The following SHH variants were observed in gnomAD, a reference collection of about 807,000 sequenced individuals.
The protein encoded by SHH is sonic hedgehog signaling molecule, also known as sonic hedgehog protein.
SHH carries 3 observed loss-of-function variants against 16.6 expected under a neutral mutation model. The observed-to-expected ratio is 0.18, with a 90% CI of 0.08 to 0.47. SHH has a LOEUF of 0.47. Among genes scored for constraint, SHH ranks in the 20% least tolerant of loss-of-function variants. The probability of loss-of-function intolerance (pLI) is 0.98; values close to 1 mark genes in which losing one functional copy is unlikely to be tolerated. For synonymous variants in SHH, 351 were observed against 316.2 expected, an observed-to-expected ratio of 1.11 and a Z score of -1.17; for missense variants, 499 against 665.0, an observed-to-expected ratio of 0.75 and a Z score of 2.75.
rs1038401176 is a variant in SHH, at chr7:155,800,475, G to A, written c.*2425C>T. ...TCAGGCACCTTGGGGCTTGGTCAAC[G>A]CCTGGCTTCTCTCTGATCGTCTGGG... On this transcript the variant is annotated 3_prime_UTR_variant, in exon 3 of 3. Coordinates refer to ENST00000297261, the MANE Select transcript of SHH (RefSeq NM_000193.4). 4.4e-6 allele frequency: 2 copies of A among 452,878 alleles called. No individual in the cohort carries two copies. Among genetic ancestry groups the A allele is most frequent in the Admixed American group, 2.4e-5 (1 of 41,142 alleles). The allele number at this position is 452,878 out of a possible 1,614,324, so 28.1% of individuals were successfully genotyped here.
rs1803214802 is a variant in SHH at position 155,802,707 on chromosome 7, A to G, written c.*193T>C. On this transcript the variant is annotated 3_prime_UTR_variant, in exon 3 of 3. Coordinates refer to ENST00000297261, the MANE Select transcript of SHH (RefSeq NM_000193.4). Reference sequence around the variant, plus strand: ...AAAAAAATTCAAAAAATATATATCAACTAAGCACAACAACAAAACTTCCCG... The same window carrying G: ...AAAAAAATTCAAAAAATATATATCAGCTAAGCACAACAACAAAACTTCCCG... 2 of 406,688 alleles carry G rather than the reference A, an allele frequency of 4.9e-6. No homozygotes were observed. The highest frequency in any genetic ancestry group is 1.3e-4 in the South Asian group (1 of 7,748). 25.2% of individuals were successfully genotyped at this position (406,688 alleles called of 1,614,324 possible).
chr7:155,808,623 G>GAT (rs1803429216), intron 1 of SHH, among the ~76,000 whole-genome samples: 1 of 152,168 alleles, frequency 6.6e-6, no homozygotes, highest in Non-Finnish European at 1.5e-5. Context: ...CTCGGCTGGC[G>GAT]GCCTCTCCTC....
In SHH at chr7:155,809,783, C is replaced by T. The variant is rs1803461522; in HGVS notation, c.300+2040G>A. Among the ~76,000 whole-genome samples the T allele has an allele frequency of 6.6e-6, 1 of 151,886 alleles. No homozygotes were observed. The highest frequency in any genetic ancestry group is 6.6e-5 in the Admixed American group (1 of 15,252). Reference sequence around the variant, plus strand: ...CCTGTGCGCGCGGCGGCGAGAGTGGCCGGGCGCGGGGCCGCTGGGCCCTGC... The same window carrying T: ...CCTGTGCGCGCGGCGGCGAGAGTGGTCGGGCGCGGGGCCGCTGGGCCCTGC... On this transcript the variant is annotated intron_variant, in intron 1 of 2. Transcript: ENST00000297261. The surrounding 1 kb of genome is among the most constrained non-coding windows in gnomAD (Gnocchi z 6.1).
intron 1 of SHH, among the ~76,000 whole-genome samples, chr7:155,811,213 C>T (rs533599218): frequency 1.5e-3 from 222 of 152,374 alleles, no homozygotes; most frequent in African/African-American, 5.0e-3. Flanking sequence ...GCCAGCCACC[C>T]AGGGACGGGC....
chr7:155,804,502 A>G (rs1265112375), intron 2 of SHH, among the ~76,000 whole-genome samples: 1 of 151,798 alleles, frequency 6.6e-6, no homozygotes, highest in African/African-American at 2.4e-5. Flanking sequence ...CCCTGTTCTC[A>G]GCTCACTCTC....
At position 155,803,267 on chromosome 7, in the gene SHH, G is replaced by T; in HGVS notation, c.1022C>A (p.Ala341Asp). The T allele has an allele frequency of 6.6e-7, 1 of 1,508,194 alleles. No individual in the cohort carries two copies. The allele number at this position is 1,508,194 out of a possible 1,614,324, so 93.4% of individuals were successfully genotyped here. A position where few individuals can be genotyped will look rare whatever the true frequency, so the allele number is the denominator to read the frequency against. ...AVHSVTLSEE[A>D]AGAYAPLTAQ... is the part of the protein sequence containing the mutation. ...CGTGAGCGGCGCGTAGGCGCCCGCG[G>T]CCTCCTCGCTTAGGGTCACGCTGTG... Residue 341 changes from alanine to aspartate, a missense_variant, in exon 3 of 3, where the codon GCC becomes GAC. Coordinates refer to ENST00000297261, the MANE Select transcript of SHH (RefSeq NM_000193.4).
chr7:155,812,270 T>C lies in SHH; in HGVS notation c.-148A>G. 1.3e-6 allele frequency: 1 copy of C among 757,692 alleles called. No homozygotes were observed. Among genetic ancestry groups the C allele is most frequent in the Non-Finnish European group, 2.3e-6 (1 of 439,066 alleles). 46.9% of individuals were successfully genotyped at this position (757,692 alleles called of 1,614,324 possible). A position where few individuals can be genotyped will look rare whatever the true frequency, so the allele number is the denominator to read the frequency against. On this transcript the variant is annotated 5_prime_UTR_variant, in exon 1 of 3. Coordinates refer to ENST00000297261, the MANE Select transcript of SHH (RefSeq NM_000193.4). ...CTCGCTCTCTCCCTCGCTGGCTGCC[T>C]CGCTCTTTCTCTTCCTATATAACCT...
chr7:155,801,735 T>A lies in SHH; in HGVS notation c.*1165A>T, dbSNP rs1803184421. 1 of 152,168 alleles carries A rather than the reference T, an allele frequency of 6.6e-6. No homozygotes were observed. Among genetic ancestry groups the A allele is most frequent in the African/African-American group, 2.4e-5 (1 of 41,434 alleles). The allele number at this position is 152,168 out of a possible 1,614,324, so 9.4% of individuals were successfully genotyped here. ...GAGTTCACAGTATAAGCAACACATC[T>A]AAATAGAATATTGGGAGCTCCTGTC... On this transcript the variant is annotated 3_prime_UTR_variant, in exon 3 of 3. Coordinates refer to ENST00000297261, the MANE Select transcript of SHH (RefSeq NM_000193.4).
chr7:155,803,454 CGTT>C lies in SHH; in HGVS notation c.832_834del (p.Asn278del), dbSNP rs1372554147. 1 of 1,546,788 alleles carries C rather than the reference CGTT, an allele frequency of 6.5e-7. No individual in the cohort carries two copies. The highest frequency in any genetic ancestry group is 8.7e-7 in the Non-Finnish European group (1 of 1,150,902). On this transcript the variant is annotated inframe_deletion, in exon 3 of 3. Coordinates refer to ENST00000297261, the MANE Select transcript of SHH (RefSeq NM_000193.4). Reference sequence around the variant, plus strand: ...GCCTCGGGCTCCCCGGTGGCCGAGTCGTTGTGCGGCGCCACAAAGAGCAGGTGC... The same window carrying C: ...GCCTCGGGCTCCCCGGTGGCCGAGTCGTGCGGCGCCACAAAGAGCAGGTGC...
chr7:155,802,866 C>CCCCCCCCA lies in SHH; in HGVS notation c.*33_*34insTGGGGGGG. ...GCGTTGCTGTTGCTGCCCCGCCCCG[C>CCCCCCCCA]CCCCTCCCGCGCCCCTCCCCCGGCC... On this transcript the variant is annotated 3_prime_UTR_variant, in exon 3 of 3. Coordinates refer to ENST00000297261, the MANE Select transcript of SHH (RefSeq NM_000193.4). 1 of 604,214 alleles carries CCCCCCCCA rather than the reference C, an allele frequency of 1.7e-6. No homozygotes were observed. The highest frequency in any genetic ancestry group is 4.1e-5 in the South Asian group (1 of 24,632). 37.4% of individuals were successfully genotyped at this position (604,214 alleles called of 1,614,324 possible).
rs1450716362 is a variant in SHH, at chr7:155,806,336, G to A, written c.522C>T (p.Tyr174=). The A allele has an allele frequency of 1.1e-5, 18 of 1,613,392 alleles. No homozygotes were observed. The highest frequency in any genetic ancestry group is 1.5e-5 in the Non-Finnish European group (18 of 1,180,044). The change falls in exon 2 of 3, where the codon TAC becomes TAT. Residue 174 remains tyrosine (Y), a synonymous_variant. Coordinates refer to ENST00000297261, the MANE Select transcript of SHH (RefSeq NM_000193.4). The part of the protein sequence containing the change: ...LAVEAGFDWV[Y]YESKAHIHCS... ...AGTGGATATGTGCCTTGGACTCGTAGTACACCCAGTCGAAGCCGGCCTCCA... is the reference window on the plus strand; with the variant it reads ...AGTGGATATGTGCCTTGGACTCGTAATACACCCAGTCGAAGCCGGCCTCCA...
At position 155,802,307 on chromosome 7, in the gene SHH, A is replaced by G. The variant is rs868480860; in HGVS notation, c.*593T>C. Reference sequence around the variant, plus strand: ...TCAAAAATGAAATGTAATTCAGTTAAGTATTGATCTCTCAAAAAATCTAAT... The same window carrying G: ...TCAAAAATGAAATGTAATTCAGTTAGGTATTGATCTCTCAAAAAATCTAAT... On this transcript the variant is annotated 3_prime_UTR_variant, in exon 3 of 3. Transcript: ENST00000297261. 6.6e-6 allele frequency: 1 copy of G among 152,220 alleles called. No individual in the cohort carries two copies. Among genetic ancestry groups the G allele is most frequent in the Non-Finnish European group, 1.5e-5 (1 of 68,036 alleles). 9.4% of individuals were successfully genotyped at this position (152,220 alleles called of 1,614,324 possible).
At position 155,807,843 on chromosome 7, in the gene SHH, T is replaced by C. The variant is rs1047007566; in HGVS notation, c.301-1286A>G. ...TTCTGCAGAGGGCGGGGCTGACCTC[T>C]AACCTCCTCCAGTCTGGAAGGATGC... On this transcript the variant is annotated intron_variant, in intron 1 of 2. Coordinates refer to ENST00000297261, the MANE Select transcript of SHH (RefSeq NM_000193.4). This position sits in a 1 kb window ranked among gnomAD's most constrained non-coding sequence, Gnocchi z 7.1. Among the ~76,000 whole-genome samples the C allele has an allele frequency of 2.0e-5, 3 of 151,960 alleles. No homozygotes were observed. The highest frequency in any genetic ancestry group is 4.4e-5 in the Non-Finnish European group (3 of 67,988).
At position 155,812,261 on chromosome 7, in the gene SHH, C is replaced by A; in HGVS notation, c.-139G>T. ...GCTCGCCCGCTCGCTCTCTCCCTCG[C>A]TGGCTGCCTCGCTCTTTCTCTTCCT... On this transcript the variant is annotated 5_prime_UTR_variant, in exon 1 of 3. Coordinates refer to ENST00000297261, the MANE Select transcript of SHH (RefSeq NM_000193.4). 1 of 809,326 alleles carries A rather than the reference C, an allele frequency of 1.2e-6. No individual in the cohort carries two copies. Among genetic ancestry groups the A allele is most frequent in the Non-Finnish European group, 2.1e-6 (1 of 480,276 alleles). 50.1% of individuals were successfully genotyped at this position (809,326 alleles called of 1,614,324 possible).
Position 155,803,011 on chromosome 7 carries a change from C to T in SHH, c.1278G>A (p.Ala426=). ...ACCAGTGGATGCCCGCGGTGGCCCC[C>T]GCACCCGGAGCGTCGGCAGCACCTG... The part of the protein sequence containing the change: ...TAPGAADAPG[A]GATAGIHWYS... Residue 426 remains alanine, a synonymous_variant, in exon 3 of 3, where the codon GCG becomes GCA. Coordinates refer to ENST00000297261, the MANE Select transcript of SHH (RefSeq NM_000193.4). 3 of 1,538,818 alleles carry T rather than the reference C, an allele frequency of 1.9e-6. No homozygotes were observed. The highest frequency in any genetic ancestry group is 1.9e-5 in the Admixed American group (1 of 52,246).
chr7:155,800,488 C>G lies in SHH; in HGVS notation c.*2412G>C, dbSNP rs930051849. On this transcript the variant is annotated 3_prime_UTR_variant, in exon 3 of 3. Coordinates refer to ENST00000297261, the MANE Select transcript of SHH (RefSeq NM_000193.4). ...GGCTTGGTCAACGCCTGGCTTCTCT[C>G]TGATCGTCTGGGCTGCACGGCCACA... 2 of 461,352 alleles carry G rather than the reference C, an allele frequency of 4.3e-6. No individual in the cohort carries two copies. The highest frequency in any genetic ancestry group is 4.0e-5 in the African/African-American group (2 of 49,776). The allele number at this position is 461,352 out of a possible 1,614,324, so 28.6% of individuals were successfully genotyped here. A position where few individuals can be genotyped will look rare whatever the true frequency, so the allele number is the denominator to read the frequency against.
In SHH at chr7:155,802,917, C is replaced by A; in HGVS notation, c.1372G>T (p.Ala458Ser). The change falls in exon 3 of 3, where the codon GCG (alanine) becomes TCG (serine). Residue 458 changes from alanine to serine, a missense_variant. Coordinates refer to ENST00000297261, the MANE Select transcript of SHH (RefSeq NM_000193.4). ...DSEALHPLGM[A>S]VKSS is the part of the protein sequence containing the mutation. Reference sequence around the variant, plus strand: ...CCCCGGCTTCAGCTGGACTTGACCGCCATGCCCAGCGGGTGCAGGGCCTCG... The same window carrying A: ...CCCCGGCTTCAGCTGGACTTGACCGACATGCCCAGCGGGTGCAGGGCCTCG... 6.7e-7 allele frequency: 1 copy of A among 1,502,476 alleles called. No homozygotes were observed. The highest frequency in any genetic ancestry group is 8.9e-7 in the Non-Finnish European group (1 of 1,121,200). The allele number at this position is 1,502,476 out of a possible 1,614,324, so 93.1% of individuals were successfully genotyped here. A position where few individuals can be genotyped will look rare whatever the true frequency, so the allele number is the denominator to read the frequency against.
At chr7:155,806,176 C>A in intron 2 of SHH, 120 bp downstream of exon 2, 1 of 1,283,584 alleles carries the variant, frequency 7.8e-7, no homozygotes, top group Non-Finnish European at 1.1e-6. Flanking sequence ...ACGCAGTCAT[C>A]GCCCAGCGAC....
At chr7:155,806,946 T>G in intron 1 of SHH, 1 of 248,560 alleles carries the variant, frequency 4.0e-6, no homozygotes, top group Non-Finnish European at 8.3e-6. Flanking sequence ...CGCCCCCACG[T>G]TGCCCTCCAC....
Sources: gnomAD v4.1 joint callset for allele counts (sites outside exome capture counted in the v4.1 genomes callset) on GRCh38, gnomAD v4.1.1 for gene constraint, Gnocchi (gnomAD v3.1) non-coding constraint, MANE v1.5 for transcripts, NCBI Gene and HGNC (gene_info 2026-07-23, HGNC 2026-07-21) for gene names.